The following EIF4E3 variants were observed in gnomAD, a reference collection of about 807,000 sequenced individuals.
The protein encoded by EIF4E3 is eukaryotic translation initiation factor 4E family member 3.
In EIF4E3, 26 loss-of-function variants were observed where a neutral mutation model predicts 31.7. The ratio of observed to expected loss-of-function variants is 0.82; its 90% CI spans 0.60 to 1.14. The LOEUF (loss-of-function observed/expected upper bound fraction) is 1.14, where lower values mean the gene tolerates loss of function less well. Among genes scored for constraint, EIF4E3 ranks in the 50% most tolerant of loss-of-function variants. The probability of loss-of-function intolerance (pLI) is 0.00; values close to 1 mark genes in which losing one functional copy is unlikely to be tolerated. For synonymous variants in EIF4E3, 128 were observed against 107.7 expected (o/e 1.19, Z -1.17); for missense variants, 304 against 270.9 (o/e 1.12, Z -0.86).
rs78823256 is a variant in EIF4E3 at position 71,707,193 on chromosome 3, T to C, written c.249+3219A>G. Among the ~76,000 whole-genome samples the C allele has an allele frequency of 6.0e-3, 915 of 152,336 alleles. 5 individuals are homozygous for C. The highest frequency in any genetic ancestry group is 0.021 in the African/African-American group (866 of 41,566). On this transcript the variant is annotated intron_variant, in intron 2 of 6. Transcript: ENST00000425534. The stretch of plus-strand genomic sequence containing the variant: ...TACTTACTATGGCTTTTTACCTCAT[T>C]GTATCATTTAAGTCTCATAACAGCA...
rs141210442 is a variant in EIF4E3, at chr3:71,689,797, C to T, written c.628+213G>A. 4.0e-3 allele frequency among the ~76,000 whole-genome samples: 607 copies of T among 150,932 alleles called. 1 individual carries two copies. The highest frequency in any genetic ancestry group is 0.014 in the African/African-American group (578 of 41,024). On this transcript the variant is annotated intron_variant, in intron 6 of 6. Coordinates refer to ENST00000425534, the MANE Select transcript of EIF4E3 (RefSeq NM_001134651.2). ...ATTTGTTATTTCGTTTTCTGATCCACGCAGTTAGGCAAGAATAAAATCTTA... is the reference window on the plus strand; with the variant it reads ...ATTTGTTATTTCGTTTTCTGATCCATGCAGTTAGGCAAGAATAAAATCTTA...
upstream of EIF4E3, chr3:71,728,778 T>G (rs370704913): frequency 2.6e-4 from 39 of 152,388 alleles, 1 homozygote; most frequent in East Asian, 4.4e-3. Context: ...TCTGCTCCCC[T>G]GACAAGCTCC....
Position 71,690,108 on chromosome 3 carries a change from A to G in EIF4E3, c.530T>C (p.Val177Ala). ...SVRDREDVVQ[V>A]WNVNASLVGE... ...CACTAAAGAGGCATTTACATTCCAG[A>G]CTTGGACGACGTCTTCTCGGTCCCG... The change falls in exon 6 of 7, where the codon GTC (valine) becomes GCC (alanine). Residue 177 changes from valine to alanine, a missense_variant. Transcript: ENST00000425534. 1.2e-6 allele frequency: 2 copies of G among 1,613,906 alleles called. No homozygotes were observed. The highest frequency in any genetic ancestry group is 1.7e-6 in the Non-Finnish European group (2 of 1,179,946).
Position 71,703,428 on chromosome 3 carries a change from G to A in EIF4E3, c.250-3720C>T, listed in dbSNP as rs138983031. On this transcript the variant is annotated intron_variant, in intron 2 of 6. Transcript: ENST00000425534. ...AGGTCATGTAGCCCGTGAAACCCAC[G>A]TTGCCTCCTCTGTATAAGGATACAG... is the stretch of plus-strand genomic sequence containing the variant. 5.9e-5 allele frequency among the ~76,000 whole-genome samples: 9 copies of A among 152,282 alleles called. No individual in the cohort carries two copies. The South Asian group carries it at 6.2e-4, about 11-fold the overall frequency.
chr3:71,721,662 C>T (rs1461739107), intron 1 of EIF4E3, among the ~76,000 whole-genome samples: 2 of 152,158 alleles, frequency 1.3e-5, no homozygotes, highest in East Asian at 3.9e-4. Context: ...TCACTTGGTA[C>T]TGCTGCCCTG....
chr3:71,693,968 A>T (rs751905231), intron 4 of EIF4E3, 27 bp from the exon 5 acceptor site: 4 of 1,530,994 alleles, frequency 2.6e-6, no homozygotes, highest in Non-Finnish European at 2.6e-6. Context: ...ATAAAAAACA[A>T]AACAAACAAA....
At position 71,684,410 on chromosome 3, in the gene EIF4E3, CAG is replaced by C. The variant is rs1169237001; in HGVS notation, c.*270_*271del. 3 of 266,324 alleles carry C rather than the reference CAG, an allele frequency of 1.1e-5. No individual in the cohort carries two copies. Among genetic ancestry groups the C allele is most frequent in the African/African-American group, 7.1e-5 (3 of 42,506 alleles). The allele number at this position is 266,324 out of a possible 1,614,324, so 16.5% of individuals were successfully genotyped here. On this transcript the variant is annotated 3_prime_UTR_variant, in exon 7 of 7. Coordinates refer to ENST00000425534, the MANE Select transcript of EIF4E3 (RefSeq NM_001134651.2). Reference sequence around the variant, plus strand: ...TTAAACGGCAAAAAAAAAAAAAAATCAGAGTGAAAAGAACAGAGAATTTAGAA... The same window carrying C: ...TTAAACGGCAAAAAAAAAAAAAAATCAGTGAAAAGAACAGAGAATTTAGAA...
chr3:71,729,594 C>T (rs1027324026), upstream of EIF4E3, among the ~76,000 whole-genome samples: 1 of 152,226 alleles, frequency 6.6e-6, no homozygotes. Flanking sequence ...CTCGAGTTAT[C>T]GTTAGGATTA....
At position 71,679,582 on chromosome 3, in the gene EIF4E3, T is replaced by C. The variant is rs1438276085; in HGVS notation, c.*5100A>G. On this transcript the variant is annotated 3_prime_UTR_variant, in exon 7 of 7. Transcript: ENST00000425534. The stretch of plus-strand genomic sequence containing the variant: ...TAATAAGGTACACTCAAGACACACA[T>C]ATACAATGGAACTCTGAATTTCAGT... 6.6e-6 allele frequency: 1 copy of C among 152,178 alleles called. No individual in the cohort carries two copies. The highest frequency in any genetic ancestry group is 1.9e-4 in the East Asian group (1 of 5,206). The allele number at this position is 152,178 out of a possible 1,614,324, so 9.4% of individuals were successfully genotyped here.
At chr3:71,702,142 AAT>A (rs146837195) in intron 2 of EIF4E3, among the ~76,000 whole-genome samples, 4,360 of 152,276 alleles carry the variant, frequency 0.029, 89 homozygotes, top group African/African-American at 0.055. Flanking sequence ...AGCAGCCAAG[AAT>A]CAGGTCATGA....
chr3:71,675,794 A>C lies in EIF4E3; in HGVS notation c.*8888T>G, dbSNP rs1404581466. The C allele has an allele frequency of 6.6e-6, 1 of 152,226 alleles. No individual in the cohort carries two copies. The highest frequency in any genetic ancestry group is 1.5e-5 in the Non-Finnish European group (1 of 68,034). 9.4% of individuals were successfully genotyped at this position (152,226 alleles called of 1,614,324 possible). A position where few individuals can be genotyped will look rare whatever the true frequency, so the allele number is the denominator to read the frequency against. On this transcript the variant is annotated 3_prime_UTR_variant, in exon 7 of 7. Coordinates refer to ENST00000425534, the MANE Select transcript of EIF4E3 (RefSeq NM_001134651.2). Reference sequence around the variant, plus strand: ...AAACAAACTCTCATAAGGAATCTCAAAATTCTTGCACATCATATCTTCAAC... The same window carrying C: ...AAACAAACTCTCATAAGGAATCTCACAATTCTTGCACATCATATCTTCAAC...
intron 2 of EIF4E3, among the ~76,000 whole-genome samples, chr3:71,700,414 G>C (rs1380240615): frequency 6.6e-6 from 1 of 151,796 alleles, no homozygotes; most frequent in Non-Finnish European, 1.5e-5. Flanking sequence ...TGTTACAATA[G>C]ACCCTGTCTT....
At position 71,682,320 on chromosome 3, in the gene EIF4E3, G is replaced by T. The variant is rs1368524102; in HGVS notation, c.*2362C>A. The T allele has an allele frequency of 6.6e-6, 1 of 152,194 alleles. No individual in the cohort carries two copies. The highest frequency in any genetic ancestry group is 1.5e-5 in the Non-Finnish European group (1 of 68,034). 9.4% of individuals were successfully genotyped at this position (152,194 alleles called of 1,614,324 possible). On this transcript the variant is annotated 3_prime_UTR_variant, in exon 7 of 7. Coordinates refer to ENST00000425534, the MANE Select transcript of EIF4E3 (RefSeq NM_001134651.2). ...GCAAGCACTTGGATGAAAAGACCGG[G>T]ATTCTACTGGAAGTTTGCACTTTCC...
the EIF4E3 span, among the ~76,000 whole-genome samples, chr3:71,660,253 T>A: frequency 1.3e-5 from 2 of 151,924 alleles, no homozygotes; most frequent in Non-Finnish European, 1.5e-5. Context: ...GAAAAAAAAT[T>A]CTGTTCTCCG....
chr3:71,692,290 A>T (rs1163806520), intron 5 of EIF4E3, among the ~76,000 whole-genome samples: 1 of 152,226 alleles, frequency 6.6e-6, no homozygotes, highest in East Asian at 1.9e-4. Flanking sequence ...TGACTTGCTT[A>T]AAGTGTCATA....
downstream of EIF4E3, among the ~76,000 whole-genome samples, chr3:71,672,776 ATC>A (rs1392533455): frequency 1.3e-5 from 2 of 151,434 alleles, no homozygotes; most frequent in African/African-American, 2.4e-5. Flanking sequence ...CATTTAAAAC[ATC>A]TTTTTTCTTT....
chr3:71,732,608 A>G (rs1450711614), intron 1 of EIF4E3, among the ~76,000 whole-genome samples: 1 of 152,246 alleles, frequency 6.6e-6, no homozygotes, highest in Non-Finnish European at 1.5e-5. Context: ...CACTCTGCCA[A>G]TCACTGGCTT....
In EIF4E3 at chr3:71,725,260, C is replaced by G; in HGVS notation, c.108G>C (p.Gln36His). Residue 36 changes from glutamine (Q) to histidine (H), a missense_variant, in exon 1 of 7, where the codon CAG (glutamine) becomes CAC (histidine). Transcript: ENST00000425534. The surrounding 1 kb of genome is among the most constrained non-coding windows in gnomAD (Gnocchi z 6.1). ...AAPEPPLGLQ[Q>H]LSALQPEPGG... ...CCGGCTCAGGCTGCAGCGCCGACAG[C>G]TGCTGCAGGCCGAGCGGCGGCTCGG... The G allele has an allele frequency of 9.5e-7, 1 of 1,048,466 alleles. No homozygotes were observed. Among genetic ancestry groups the G allele is most frequent in the Non-Finnish European group, 1.1e-6 (1 of 872,540 alleles). 64.9% of individuals were successfully genotyped at this position (1,048,466 alleles called of 1,614,324 possible).
chr3:71,678,489 T>C lies in EIF4E3; in HGVS notation c.*6193A>G, dbSNP rs1263287403. On this transcript the variant is annotated 3_prime_UTR_variant, in exon 7 of 7. Transcript: ENST00000425534. ...AAAAGTATAGTCTAGTCTTACCTTATTGCTGCAAAAGGCTGGAATAAAAAA... is the reference window on the plus strand; with the variant it reads ...AAAAGTATAGTCTAGTCTTACCTTACTGCTGCAAAAGGCTGGAATAAAAAA... 1 of 152,176 alleles carries C rather than the reference T, an allele frequency of 6.6e-6. No individual in the cohort carries two copies. The highest frequency in any genetic ancestry group is 1.5e-5 in the Non-Finnish European group (1 of 68,032). 9.4% of individuals were successfully genotyped at this position (152,176 alleles called of 1,614,324 possible).
Sources: gnomAD v4.1 joint callset for allele counts (sites outside exome capture counted in the v4.1 genomes callset) on GRCh38, gnomAD v4.1.1 for gene constraint, Gnocchi (gnomAD v3.1) non-coding constraint, MANE v1.5 for transcripts, NCBI Gene and HGNC (gene_info 2026-07-23, HGNC 2026-07-21) for gene names.